The following CHN2 variants were observed in gnomAD, a reference collection of about 807,000 sequenced individuals.
The protein encoded by CHN2 is beta-chimaerin.
In CHN2, 35 loss-of-function variants were observed where a neutral mutation model predicts 56.3. That is an observed-to-expected ratio of 0.62 (90% CI 0.47 to 0.82). CHN2 has a LOEUF of 0.82. CHN2 is among the 40% of genes least tolerant of loss of function. CHN2 has a pLI of 0.00. For missense variants in CHN2, 491 were observed against 580.5 expected, an observed-to-expected ratio of 0.85 and a Z score of 1.58; for synonymous variants, 210 against 212.8, an observed-to-expected ratio of 0.99 and a Z score of 0.12.
At chr7:29,189,834 C>G (rs557239422), upstream of CHN2, among the ~76,000 whole-genome samples, 7 of 152,302 alleles carry the variant, frequency 4.6e-5, no homozygotes, top group Admixed American at 1.3e-4. Context: ...CCCAAGCCCC[C>G]CTGCAGCTCA....
intron 1 of CHN2, among the ~76,000 whole-genome samples, chr7:29,238,835 C>T (rs955696818): frequency 3.3e-5 from 5 of 152,158 alleles, no homozygotes; most frequent in African/African-American, 7.2e-5. Context: ...GAGGTGGGAA[C>T]ATGCCTGGAG....
At chr7:29,246,368 G>A (rs937127310) in intron 1 of CHN2, among the ~76,000 whole-genome samples, 2 of 152,096 alleles carry the variant, frequency 1.3e-5, no homozygotes, top group Admixed American at 6.5e-5. Context: ...CTTATTTGCT[G>A]GTAGTTGCTA....
At chr7:29,292,854 G>A (rs1048801297) in intron 1 of CHN2, 4 of 455,052 alleles carry the variant, frequency 8.8e-6, no homozygotes, top group Admixed American at 2.4e-5. Flanking sequence ...CTAGTCTTGG[G>A]GAAGAAAATA....
At chr7:29,377,293 G>A (rs2128052926) in intron 3 of CHN2, among the ~76,000 whole-genome samples, 1 of 152,276 alleles carries the variant, frequency 6.6e-6, no homozygotes, top group East Asian at 1.9e-4. Flanking sequence ...CAGAATGCTG[G>A]GATCACAGGC....
rs552783703 is a variant in CHN2 at position 29,444,343 on chromosome 7, G to A, written c.577-35936G>A. 2.0e-4 allele frequency among the ~76,000 whole-genome samples: 31 copies of A among 152,270 alleles called. No individual in the cohort carries two copies. The South Asian group carries it at 5.2e-3, about 25-fold the overall frequency. On this transcript the variant is annotated intron_variant, in intron 6 of 12. Coordinates refer to ENST00000222792, the MANE Select transcript of CHN2 (RefSeq NM_004067.4). ...CTTTAAACACCAAGAAGCATTTGCCGATGATTCTGCACGTTGGCCAGGGCT... is the reference window on the plus strand; with the variant it reads ...CTTTAAACACCAAGAAGCATTTGCCAATGATTCTGCACGTTGGCCAGGGCT...
chr7:29,240,284 G>A (rs1787550743), intron 1 of CHN2, among the ~76,000 whole-genome samples: 1 of 152,200 alleles, frequency 6.6e-6, no homozygotes, highest in Non-Finnish European at 1.5e-5. Flanking sequence ...ACTATTTGAA[G>A]AGCATTTGGT....
At chr7:29,354,948 A>ATTTATTTATTTT (rs1554278460) in intron 2 of CHN2, among the ~76,000 whole-genome samples, 1 of 148,126 alleles carries the variant, frequency 6.8e-6, no homozygotes, top group East Asian at 2.0e-4. Context: ...ATTTTTATTT[A>ATTTATTTATTTT]TTTATTTATT....
chr7:29,301,342 TACACACAC>T (rs10570363), intron 1 of CHN2, among the ~76,000 whole-genome samples: 24,145 of 141,542 alleles, frequency 0.17, 2,451 homozygotes, highest in East Asian at 0.45. Flanking sequence ...CTCAAACAGG[TACACACAC>T]ACACACACAC....
At chr7:29,442,934 C>CTTTTTTTTTTTCTTTTTTTTTTTTT (rs564931650) in intron 6 of CHN2, among the ~76,000 whole-genome samples, 31 of 103,062 alleles carry the variant, frequency 3.0e-4, no homozygotes, top group Non-Finnish European at 3.7e-4. Context: ...CATTGAATTT[C>CTTTTTTTTTTTCTTTTTTTTTTTTT]TTTTTTTTTT....
intron 1 of CHN2, among the ~76,000 whole-genome samples, chr7:29,301,738 C>T (rs935600065): frequency 6.6e-6 from 1 of 152,168 alleles, no homozygotes; most frequent in African/African-American, 2.4e-5. Flanking sequence ...AATGAGAGCA[C>T]TCTTTGAGTT....
Position 29,409,266 on chromosome 7 carries a change from G to A in CHN2, c.576+8438G>A, listed in dbSNP as rs113150450. 1.2e-4 allele frequency among the ~76,000 whole-genome samples: 18 copies of A among 152,224 alleles called. 1 individual carries two copies. The highest frequency in any genetic ancestry group is 4.1e-4 in the African/African-American group (17 of 41,532). ...CTCTATACTCTTTAAAGTTACTGAG[G>A]ACCCCAAAGAGCTTCTGTTAATGTG... On this transcript the variant is annotated intron_variant, in intron 6 of 12. Transcript: ENST00000222792.
intron 1 of CHN2, among the ~76,000 whole-genome samples, chr7:29,243,227 G>A (rs1283304559): frequency 1.3e-5 from 2 of 152,008 alleles, no homozygotes; most frequent in African/African-American, 2.4e-5. Flanking sequence ...AACAAAAAAA[G>A]CAATCTTTTA....
At chr7:29,391,163 G>A (rs1801333466) in intron 3 of CHN2, among the ~76,000 whole-genome samples, 2 of 151,990 alleles carry the variant, frequency 1.3e-5, no homozygotes, top group Non-Finnish European at 1.5e-5. Flanking sequence ...TATCAAAATG[G>A]CCCTCAACCA....
intron 7 of CHN2, among the ~76,000 whole-genome samples, chr7:29,481,835 T>C (rs1392968362): frequency 6.6e-6 from 1 of 152,164 alleles, no homozygotes; most frequent in African/African-American, 2.4e-5. Context: ...TTTCTTCCTC[T>C]TGAAAATTCC....
chr7:29,149,328 G>A (rs1468805795), intron 2 of CHN2, among the ~76,000 whole-genome samples: 1 of 151,450 alleles, frequency 6.6e-6, no homozygotes, highest in Non-Finnish European at 1.5e-5. Context: ...AGTAAGCTGG[G>A]ACTACAAGCA....
At chr7:29,270,550 G>A (rs1205403048) in intron 1 of CHN2, among the ~76,000 whole-genome samples, 1 of 150,194 alleles carries the variant, frequency 6.7e-6, no homozygotes, top group Non-Finnish European at 1.5e-5. Context: ...TGTAATCCCA[G>A]CTACTTAGGA....
intron 9 of CHN2, among the ~76,000 whole-genome samples, chr7:29,500,879 C>A (rs1481978983): frequency 6.6e-6 from 1 of 152,088 alleles, no homozygotes; most frequent in African/African-American, 2.4e-5. Context: ...AAAAAATGTT[C>A]TTTATGTTGT....
intron 6 of CHN2, among the ~76,000 whole-genome samples, chr7:29,434,378 CT>C (rs201268005): frequency 1.0e-3 from 152 of 147,758 alleles, no homozygotes; most frequent in African/African-American, 1.9e-3. Context: ...AACAACAGAC[CT>C]TTTTTTTTTT....
intron 2 of CHN2, among the ~76,000 whole-genome samples, chr7:29,354,940 T>TTTTATTTATTTATTTATTTA (rs58730020): frequency 1.6e-3 from 228 of 142,036 alleles, no homozygotes; most frequent in South Asian, 5.9e-3. Context: ...GGGGCTTTAT[T>TTTTATTTATTTATTTATTTA]TTTATTTATT....
Sources: allele counts gnomAD v4.1 joint callset (sites outside exome capture counted in the v4.1 genomes callset), GRCh38; gene constraint gnomAD v4.1.1; transcripts MANE v1.5; gene names NCBI Gene and HGNC (gene_info 2026-07-23, HGNC 2026-07-21).